ZNF83: variants seen among roughly 807,000 people sequenced by gnomAD.
ZNF83 encodes the protein zinc finger protein 816B.
For missense variants in ZNF83, 552 were observed against 629.9 expected (o/e 0.88, Z 1.32); for synonymous variants, 209 against 213.0 (o/e 0.98, Z 0.17).
chr19:52,615,876 T>A (rs910513173), intron 2 of ZNF83, among the ~76,000 whole-genome samples: 2 of 152,226 alleles, frequency 1.3e-5, no homozygotes, highest in Non-Finnish European at 2.9e-5. Context: ...CTCACTCTTG[T>A]GCCCCAGGCT....
rs1555792757 is a variant in ZNF83, at chr19:52,687,633, G to GTGTA, written c.-283+2809_-283+2810insTACA. 1.9e-3 allele frequency among the ~76,000 whole-genome samples: 52 copies of GTGTA among 27,838 alleles called. 14 individuals are homozygous for GTGTA. The highest frequency in any genetic ancestry group is 8.0e-3 in the African/African-American group (26 of 3,244). The allele number at this position is 27,838 out of a possible 152,430, so 18.3% of individuals were successfully genotyped here. On this transcript the variant is annotated intron_variant, in intron 1 of 5. Transcript: ENST00000594682. The stretch of plus-strand genomic sequence containing the variant: ...TATAATGTGTATATATATATATAAT[G>GTGTA]TATATATATATATATATATATATAA...
At chr19:52,618,200 TCTTAC>T (rs2060386796) in intron 2 of ZNF83, among the ~76,000 whole-genome samples, 1 of 152,048 alleles carries the variant, frequency 6.6e-6, no homozygotes, top group South Asian at 2.1e-4. Context: ...CAGGTGATAA[TCTTAC>T]CTTAGCCTTT....
At chr19:52,667,826 A>T (rs187992933) in intron 1 of ZNF83, among the ~76,000 whole-genome samples, 1 of 152,246 alleles carries the variant, frequency 6.6e-6, no homozygotes, top group Non-Finnish European at 1.5e-5. Context: ...AAATATGTCT[A>T]CAAGGTTTTA....
intron 3 of ZNF83, among the ~76,000 whole-genome samples, chr19:52,644,581 C>T (rs1278218355): frequency 6.6e-6 from 1 of 152,104 alleles, no homozygotes. Context: ...CCATTGACTC[C>T]CAACATTTAA....
Position 52,618,688 on chromosome 19 carries a change from C to T in ZNF83, c.-233-3891G>A, listed in dbSNP as rs538778798. 52 of 661,410 alleles carry T rather than the reference C, an allele frequency of 7.9e-5. 1 individual carries two copies. Among genetic ancestry groups the T allele is most frequent in the East Asian group, 4.9e-4 (13 of 26,414 alleles). The allele number at this position is 661,410 out of a possible 1,614,324, so 41.0% of individuals were successfully genotyped here. A position where few individuals can be genotyped will look rare whatever the true frequency, so the allele number is the denominator to read the frequency against. On this transcript the variant is annotated intron_variant, in intron 2 of 2. Transcript: ENST00000301096. ...CTGGGATTACAGGCATGAGTCACCA[C>T]GCCTTGCCAGCCATAAGGTTTTAAG... is the stretch of plus-strand genomic sequence containing the variant.
intron 2 of ZNF83, among the ~76,000 whole-genome samples, chr19:52,622,366 C>T (rs1005915985): frequency 6.6e-6 from 1 of 152,124 alleles, no homozygotes; most frequent in Non-Finnish European, 1.5e-5. Context: ...TACAACTTAA[C>T]CTGGAGTGAC....
chr19:52,638,390 C>CTGGGCCGGGCCCGCGAGG (rs1555785840), upstream of ZNF83: 2 of 149,060 alleles, frequency 1.3e-5, no homozygotes, highest in Non-Finnish European at 3.0e-5. Context: ...GAAGCCAGGT[C>CTGGGCCGGGCCCGCGAGG]TGGGCGGGGC....
intron 2 of ZNF83, chr19:52,619,061 C>A (rs769150672): frequency 1.2e-5 from 20 of 1,612,756 alleles, no homozygotes; most frequent in Non-Finnish European, 1.7e-5. Flanking sequence ...TGTCAATAGA[C>A]CCTGAAATGA....
chr19:52,635,136 A>G (rs566078401), exon 2 of ZNF83: 5 of 660,932 alleles, frequency 7.6e-6, no homozygotes, highest in African/African-American at 7.2e-5. Flanking sequence ...ATGTACCAAG[A>G]GTCCTTAGAA....
chr19:52,626,794 A>G (rs888007520), intron 2 of ZNF83, among the ~76,000 whole-genome samples: 1 of 152,102 alleles, frequency 6.6e-6, no homozygotes, highest in African/African-American at 2.4e-5. Context: ...ACCCTGAGAA[A>G]CATCATCCAT....
chr19:52,672,009 G>T (rs1322537852), intron 1 of ZNF83, among the ~76,000 whole-genome samples: 1 of 152,126 alleles, frequency 6.6e-6, no homozygotes, highest in Non-Finnish European at 1.5e-5. Context: ...GAGGCAGGTG[G>T]ATGACCCAGA....
chr19:52,613,052 T>G, exon 3 of ZNF83: 1 of 1,606,918 alleles, frequency 6.2e-7, no homozygotes, highest in Non-Finnish European at 8.5e-7. Context: ...GCATGAAATC[T>G]CTGATGACGT....
At chr19:52,682,055 C>G (rs1461173657) in intron 1 of ZNF83, among the ~76,000 whole-genome samples, 3 of 152,054 alleles carry the variant, frequency 2.0e-5, no homozygotes, top group African/African-American at 7.2e-5. Flanking sequence ...ACCATCTTGG[C>G]CAGGCTGGTA....
At position 52,628,358 on chromosome 19, in the gene ZNF83, C is replaced by T. The variant is rs557332043; in HGVS notation, c.-234+6708G>A. On this transcript the variant is annotated intron_variant, in intron 2 of 2. Coordinates refer to ENST00000301096, the Ensembl canonical transcript of ZNF83. ...AAATCCGGTAAGTGGCCTCTTTTTACTCTCTTCTCCAACCTCCCTCACTAT... is the reference window on the plus strand; with the variant it reads ...AAATCCGGTAAGTGGCCTCTTTTTATTCTCTTCTCCAACCTCCCTCACTAT... 1.4e-4 allele frequency among the ~76,000 whole-genome samples: 21 copies of T among 152,282 alleles called. No homozygotes were observed. In the South Asian group the frequency reaches 3.3e-3, roughly 24 times the overall value.
chr19:52,666,255 GAGAC>G (rs1261340616), intron 1 of ZNF83, among the ~76,000 whole-genome samples: 2 of 151,728 alleles, frequency 1.3e-5, no homozygotes, highest in African/African-American at 2.4e-5. Context: ...GAGGGAGAAA[GAGAC>G]AGAGAGTCAG....
At chr19:52,629,585 C>G (rs148137622) in intron 2 of ZNF83, among the ~76,000 whole-genome samples, 2 of 152,200 alleles carry the variant, frequency 1.3e-5, no homozygotes, top group African/African-American at 2.4e-5. Flanking sequence ...CCCTCCCCCA[C>G]CTGCCCAGCA....
At chr19:52,645,057 G>A (rs1378309100) in intron 3 of ZNF83, among the ~76,000 whole-genome samples, 19 of 149,758 alleles carry the variant, frequency 1.3e-4, no homozygotes, top group South Asian at 4.3e-4. Flanking sequence ...ACAGCGTTCC[G>A]TGCCAATCCA....
chr19:52,676,097 C>T (rs1031203571), intron 1 of ZNF83, among the ~76,000 whole-genome samples: 1 of 152,174 alleles, frequency 6.6e-6, no homozygotes, highest in African/African-American at 2.4e-5. Flanking sequence ...TCTCCTGCCT[C>T]AGCCTGCTGA....
At chr19:52,676,281 T>A (rs2147329755) in intron 1 of ZNF83, among the ~76,000 whole-genome samples, 1 of 152,334 alleles carries the variant, frequency 6.6e-6, no homozygotes, top group South Asian at 2.1e-4. Flanking sequence ...GTTCACTCAG[T>A]GCTCAATGGT....
Sources: gnomAD v4.1 joint callset for allele counts (sites outside exome capture counted in the v4.1 genomes callset) on GRCh38, gnomAD v4.1.1 for gene constraint, MANE v1.5 for transcripts, NCBI Gene and HGNC (gene_info 2026-07-23, HGNC 2026-07-21) for gene names.